The following PGM5 variants were observed in gnomAD, a reference collection of about 807,000 sequenced individuals.
PGM5 encodes the protein phosphoglucomutase-like protein 5.
PGM5 carries 23 observed loss-of-function variants against 59.2 expected under a neutral mutation model. The observed-to-expected ratio is 0.39, with a 90% CI of 0.28 to 0.55. The LOEUF (loss-of-function observed/expected upper bound fraction) is 0.55. Ranked by LOEUF, PGM5 falls within the 20% of genes least tolerant of loss-of-function variation. The pLI, the probability that PGM5 is intolerant of heterozygous loss-of-function variation, is 0.66. For missense variants in PGM5, 574 were observed against 748.3 expected, an observed-to-expected ratio of 0.77 and a Z score of 2.72; for synonymous variants, 214 against 286.0, an observed-to-expected ratio of 0.75 and a Z score of 2.54.
At chr9:68,427,520 G>A (rs1172543703) in intron 6 of PGM5, among the ~76,000 whole-genome samples, 4 of 152,176 alleles carry the variant, frequency 2.6e-5, no homozygotes, top group African/African-American at 9.7e-5. Context: ...AAGGCCACCT[G>A]CTGTGGGCAT....
intron 7 of PGM5, among the ~76,000 whole-genome samples, chr9:68,476,968 C>T (rs1341051529): frequency 2.7e-5 from 4 of 150,206 alleles, no homozygotes; most frequent in Non-Finnish European, 5.9e-5. Flanking sequence ...TTTTCTCTAG[C>T]CAGTAAATAA....
At chr9:68,466,270 G>GTTTT in intron 7 of PGM5, 20 of 558,378 alleles carry the variant, frequency 3.6e-5, no homozygotes, top group South Asian at 1.2e-4. Context: ...GATACTGTGT[G>GTTTT]TTTTTTTTTT....
At chr9:68,357,959 A>G in intron 1 of PGM5, 1 of 150,446 alleles carries the variant, frequency 6.6e-6, no homozygotes, top group African/African-American at 2.6e-5. Flanking sequence ...ACACACACAC[A>G]CACACGATCC....
intron 6 of PGM5, among the ~76,000 whole-genome samples, chr9:68,446,008 C>T (rs1823605768): frequency 1.3e-5 from 2 of 152,202 alleles, no homozygotes; most frequent in African/African-American, 2.4e-5. Flanking sequence ...GAGTCTTTCC[C>T]TGTCCACTAC....
At chr9:68,469,361 A>T (rs11142559) in intron 7 of PGM5, among the ~76,000 whole-genome samples, 5,990 of 129,882 alleles carry the variant, frequency 0.046, 152 homozygotes, top group East Asian at 0.087. Flanking sequence ...AGTGTTTTTT[A>T]AAAAAAAAAT....
intron 7 of PGM5, 33 bp downstream of exon 7, chr9:68,465,241 G>A (rs1554685710): frequency 7.4e-7 from 1 of 1,348,252 alleles, no homozygotes; most frequent in East Asian, 2.3e-5. Context: ...TACTGGGGAG[G>A]GCGGCTGCAG....
chr9:68,463,916 A>C (rs887421799), intron 6 of PGM5, among the ~76,000 whole-genome samples: 2 of 152,196 alleles, frequency 1.3e-5, no homozygotes, highest in African/African-American at 4.8e-5. Flanking sequence ...ACCATAAGTC[A>C]TAGGAGCTCC....
chr9:68,448,705 T>G (rs929264516), intron 6 of PGM5, among the ~76,000 whole-genome samples: 1 of 152,180 alleles, frequency 6.6e-6, no homozygotes, highest in Non-Finnish European at 1.5e-5. Context: ...TAGGCACCCC[T>G]CAAGCCCTGT....
rs530543082 is a variant in PGM5, at chr9:68,357,813, A to C, written c.261+425A>C. 3 of 252,354 alleles carry C rather than the reference A, an allele frequency of 1.2e-5. No homozygotes were observed. The East Asian group carries it at 3.8e-4, about 32-fold the overall frequency. The allele number at this position is 252,354 out of a possible 1,614,324, so 15.6% of individuals were successfully genotyped here. On this transcript the variant is annotated intron_variant, in intron 1 of 10. Coordinates refer to ENST00000396396, the MANE Select transcript of PGM5 (RefSeq NM_021965.4). ...CAGTCCCCACACAAACTTCTTTCGC[A>C]GGCTCACAACATAGTCCCTCTGCCC...
chr9:68,454,028 C>A (rs141654824), intron 6 of PGM5, among the ~76,000 whole-genome samples: 1 of 152,212 alleles, frequency 6.6e-6, no homozygotes, highest in Non-Finnish European at 1.5e-5. Context: ...CTCTGCTCCC[C>A]GTCCTGTAGA....
intron 7 of PGM5, among the ~76,000 whole-genome samples, chr9:68,467,345 G>C (rs1385562481): frequency 2.0e-5 from 3 of 152,150 alleles, no homozygotes; most frequent in Non-Finnish European, 4.4e-5. Flanking sequence ...CTTTGCCAAA[G>C]CTGAGAGAAT....
intron 6 of PGM5, among the ~76,000 whole-genome samples, chr9:68,435,103 G>T (rs1452009391): frequency 6.6e-6 from 1 of 152,078 alleles, no homozygotes; most frequent in Non-Finnish European, 1.5e-5. Context: ...CTTGGGTTCT[G>T]TGCCACCCAC....
At position 68,427,473 on chromosome 9, in the gene PGM5, G is replaced by A. The variant is rs551098235; in HGVS notation, c.1043+35000G>A. On this transcript the variant is annotated intron_variant, in intron 6 of 10. Coordinates refer to ENST00000396396, the MANE Select transcript of PGM5 (RefSeq NM_021965.4). ...AGGGAGGGTTTCCAAATCCCCTCTG[G>A]AGCAGAAAATCCCTGTTTGATCCTA... Among the ~76,000 whole-genome samples the A allele has an allele frequency of 1.7e-4, 26 of 152,290 alleles. 1 individual carries two copies. In the South Asian group the frequency reaches 5.4e-3, roughly 32 times the overall value.
At chr9:68,361,329 A>G (rs1249058720) in intron 1 of PGM5, among the ~76,000 whole-genome samples, 3 of 152,224 alleles carry the variant, frequency 2.0e-5, no homozygotes, top group African/African-American at 7.2e-5. Context: ...TGATTGTTGA[A>G]AAACTAGTCA....
In PGM5 at chr9:68,499,236, A is replaced by G. The variant is rs1243509818; in HGVS notation, c.1489A>G (p.Ile497Val). ...GTVTKKQGLR[I>V]IFSDASRLIF... is the part of the protein sequence containing the mutation. ...ATGTTCTTGGTCTCAGGGCCTAAGG[A>G]TCATTTTCTCGGATGCATCACGGCT... The change falls in exon 10 of 11, where the codon ATC (isoleucine) becomes GTC (valine). Residue 497 changes from isoleucine to valine, a missense_variant. By Grantham distance (29) the Ile-to-Val change is conservative. This residue lies in a region of PGM5 where 300 missense variants were observed against 280.0 expected (regional missense o/e 1.07). Coordinates refer to ENST00000396396, the MANE Select transcript of PGM5 (RefSeq NM_021965.4). 6.2e-7 allele frequency: 1 copy of G among 1,613,974 alleles called. No homozygotes were observed. The highest frequency in any genetic ancestry group is 8.5e-7 in the Non-Finnish European group (1 of 1,180,022).
intron 7 of PGM5, among the ~76,000 whole-genome samples, chr9:68,470,666 G>A (rs782694206): frequency 6.6e-6 from 1 of 152,228 alleles, no homozygotes; most frequent in Non-Finnish European, 1.5e-5. Flanking sequence ...GTCTCTAGGA[G>A]AGAGAAAGAG....
chr9:68,376,848 TTTCTC>T (rs1316750252), intron 1 of PGM5, among the ~76,000 whole-genome samples: 1 of 133,150 alleles, frequency 7.5e-6, no homozygotes, highest in Admixed American at 7.9e-5. Flanking sequence ...TCTTTCTTTC[TTTCTC>T]TTTCTTTCTT....
At chr9:68,436,875 C>G (rs265113) in intron 6 of PGM5, among the ~76,000 whole-genome samples, 45 of 152,228 alleles carry the variant, frequency 3.0e-4, no homozygotes, top group African/African-American at 1.1e-3. Flanking sequence ...AGCTTTTTAC[C>G]CTCTACCATC....
intron 6 of PGM5, among the ~76,000 whole-genome samples, chr9:68,401,885 ATATATGTGTGTGTGTGTGTGTG>A (rs1396587370): frequency 2.9e-5 from 3 of 104,136 alleles, no homozygotes; most frequent in African/African-American, 4.7e-5. Flanking sequence ...AGCTATATAT[ATATATGTGTGTGTGTGTGTGTG>A]TGTGTGTGTG....
Sources: allele counts gnomAD v4.1 joint callset (sites outside exome capture counted in the v4.1 genomes callset), GRCh38; gene constraint gnomAD v4.1.1; regional missense constraint gnomAD v4.1.1; transcripts MANE v1.5; gene names NCBI Gene and HGNC (gene_info 2026-07-23, HGNC 2026-07-21).